TCF12: variants seen among roughly 807,000 people sequenced by gnomAD.
TCF12 encodes the protein DNA-binding protein HTF4.
In TCF12, 45 loss-of-function variants were observed where a neutral mutation model predicts 86.0. The observed-to-expected ratio is 0.52, with a 90% CI of 0.41 to 0.67. The LOEUF (loss-of-function observed/expected upper bound fraction) is 0.67. Among genes scored for constraint, TCF12 ranks in the 30% least tolerant of loss-of-function variants. TCF12 has a pLI of 0.00. For synonymous variants in TCF12, 330 were observed against 299.6 expected, an observed-to-expected ratio of 1.10 and a Z score of -1.05; for missense variants, 881 against 859.9, an observed-to-expected ratio of 1.02 and a Z score of -0.31.
chr15:57,071,809 GT>G (rs1287944758), intron 4 of TCF12, among the ~76,000 whole-genome samples: 1 of 152,178 alleles, frequency 6.6e-6, no homozygotes, highest in Non-Finnish European at 1.5e-5. Flanking sequence ...AGGAGGAAGT[GT>G]TTGAGTAGAC....
At chr15:56,949,718 C>A (rs1436502610) in intron 3 of TCF12, among the ~76,000 whole-genome samples, 7 of 152,116 alleles carry the variant, frequency 4.6e-5, no homozygotes, top group African/African-American at 1.7e-4. Flanking sequence ...ATAGATATGG[C>A]CCTTCTGGAA....
chr15:56,977,059 GA>G (rs1288158901), intron 3 of TCF12, among the ~76,000 whole-genome samples: 2 of 152,108 alleles, frequency 1.3e-5, no homozygotes. Context: ...CATCTTTGCA[GA>G]AGGTTATATT....
intron 11 of TCF12, 99 bp downstream of exon 11, chr15:57,232,955 G>A (rs2059209092): frequency 4.2e-6 from 3 of 710,690 alleles, no homozygotes; most frequent in East Asian, 1.0e-4. Context: ...ATATATAAAT[G>A]TTATATATAT....
At chr15:57,263,038 C>T (rs1260509289) in intron 17 of TCF12, 74 bp from the exon 18 acceptor site, 10 of 1,473,766 alleles carry the variant, frequency 6.8e-6, no homozygotes, top group African/African-American at 1.6e-5. Context: ...AGCTAGAAAG[C>T]TTTTTATTGT....
chr15:56,970,296 A>G (rs2062225569), intron 3 of TCF12, among the ~76,000 whole-genome samples: 1 of 151,924 alleles, frequency 6.6e-6, no homozygotes, highest in Non-Finnish European at 1.5e-5. Context: ...CCTGGCCAAT[A>G]TAGTGAAATC....
intron 3 of TCF12, among the ~76,000 whole-genome samples, chr15:57,022,627 T>C (rs1166178619): frequency 1.3e-5 from 2 of 152,212 alleles, no homozygotes; most frequent in African/African-American, 4.8e-5. Flanking sequence ...TTCTAGATCC[T>C]TGTGGAATCG....
intron 3 of TCF12, among the ~76,000 whole-genome samples, chr15:56,950,316 A>G (rs1361446618): frequency 5.3e-5 from 8 of 152,024 alleles, no homozygotes; most frequent in African/African-American, 1.9e-4. Flanking sequence ...ACCTCTGCCT[A>G]CCGGGTTCAA....
intron 3 of TCF12, among the ~76,000 whole-genome samples, chr15:56,964,754 T>A (rs2061929049): frequency 6.6e-6 from 1 of 152,212 alleles, no homozygotes; most frequent in South Asian, 2.1e-4. Flanking sequence ...TCTTGTGCCT[T>A]ATAATAAAGG....
At chr15:57,199,169 A>C (rs2057412588) in intron 8 of TCF12, among the ~76,000 whole-genome samples, 1 of 152,150 alleles carries the variant, frequency 6.6e-6, no homozygotes, top group Non-Finnish European at 1.5e-5. Context: ...AAATGAACAC[A>C]ATGCCTCAAA....
intron 5 of TCF12, among the ~76,000 whole-genome samples, chr15:57,135,242 G>A (rs2052434641): frequency 1.3e-5 from 2 of 152,140 alleles, no homozygotes; most frequent in African/African-American, 4.8e-5. Context: ...ACATAAAAGA[G>A]TTGCATTTAT....
At chr15:56,921,754 G>A (rs2059803956) in intron 3 of TCF12, among the ~76,000 whole-genome samples, 1 of 152,022 alleles carries the variant, frequency 6.6e-6, no homozygotes, top group South Asian at 2.1e-4. Flanking sequence ...TCTTTGATGG[G>A]TGCTTTTTAT....
Position 57,286,737 on chromosome 15 carries a change from C to T in TCF12, c.*592C>T, listed in dbSNP as rs1402926855. ...TCCTATCCTCTTGCCATATGAATAG[C>T]GTTTTCCATGAAATAGGAAAATATT... On this transcript the variant is annotated 3_prime_UTR_variant, in exon 21 of 21. Transcript: ENST00000333725. 5 of 432,906 alleles carry T rather than the reference C, an allele frequency of 1.2e-5. No homozygotes were observed. Among genetic ancestry groups the T allele is most frequent in the Non-Finnish European group, 1.8e-5 (4 of 218,386 alleles). 26.8% of individuals were successfully genotyped at this position (432,906 alleles called of 1,614,324 possible).
intron 8 of TCF12, among the ~76,000 whole-genome samples, chr15:57,227,902 A>G (rs1311652325): frequency 6.6e-6 from 1 of 152,118 alleles, no homozygotes; most frequent in Admixed American, 6.5e-5. Context: ...GACTCCTGGT[A>G]GATTTTAATT....
chr15:57,193,717 C>T (rs1449242087), intron 7 of TCF12, among the ~76,000 whole-genome samples: 1 of 152,096 alleles, frequency 6.6e-6, no homozygotes, highest in Non-Finnish European at 1.5e-5. Context: ...TTCTATTAAC[C>T]TGTGTTTTGG....
intron 6 of TCF12, among the ~76,000 whole-genome samples, chr15:57,174,879 A>C (rs1228804395): frequency 6.6e-6 from 1 of 152,238 alleles, no homozygotes. Flanking sequence ...ACTGTCACTT[A>C]GATGTTAGTT....
chr15:56,935,560 T>C (rs1198991662), intron 3 of TCF12, among the ~76,000 whole-genome samples: 4 of 152,074 alleles, frequency 2.6e-5, no homozygotes, highest in Non-Finnish European at 5.9e-5. Context: ...TTTGTGAGAT[T>C]TTGGTGCACC....
intron 12 of TCF12, among the ~76,000 whole-genome samples, chr15:57,240,898 A>AAAAG (rs1252160950): frequency 1.1e-4 from 16 of 151,034 alleles, no homozygotes; most frequent in Non-Finnish European, 1.9e-4. Context: ...AAAAAAAAAA[A>AAAAG]AAAGAAAGGG....
intron 12 of TCF12, among the ~76,000 whole-genome samples, chr15:57,237,836 T>A (rs1443592138): frequency 2.0e-5 from 3 of 152,196 alleles, no homozygotes; most frequent in African/African-American, 7.2e-5. Context: ...TGCGATTTGG[T>A]AATAAAATAA....
intron 3 of TCF12, among the ~76,000 whole-genome samples, chr15:57,005,650 C>G (rs960114060): frequency 1.3e-5 from 2 of 152,156 alleles, no homozygotes; most frequent in Non-Finnish European, 2.9e-5. Context: ...TCACTTTAAG[C>G]CTTGGCTTCC....
Sources: allele counts gnomAD v4.1 joint callset (sites outside exome capture counted in the v4.1 genomes callset), GRCh38; gene constraint gnomAD v4.1.1; transcripts MANE v1.5; gene names NCBI Gene and HGNC (gene_info 2026-07-23, HGNC 2026-07-21).